Variants in CNTN4 observed in about 807,000 individuals in gnomAD.
The protein encoded by CNTN4 is contactin 4.
In CNTN4, 77 loss-of-function variants were observed where a neutral mutation model predicts 122.5. That is an observed-to-expected ratio of 0.63 (90% CI 0.52 to 0.76). CNTN4 has a LOEUF of 0.76. CNTN4 is among the 30% of genes least tolerant of loss of function. CNTN4 has a pLI of 0.00. For missense variants in CNTN4, 1,256 were observed against 1,259.1 expected, an observed-to-expected ratio of 1.00 and a Z score of 0.04; for synonymous variants, 512 against 447.0, an observed-to-expected ratio of 1.15 and a Z score of -1.83.
chr3:2,375,375 C>T (rs2045777602), intron 3 of CNTN4, among the ~76,000 whole-genome samples: 1 of 152,130 alleles, frequency 6.6e-6, no homozygotes. Flanking sequence ...TTTCTTTCTT[C>T]TTTTTCTCCC....
intron 12 of CNTN4, among the ~76,000 whole-genome samples, chr3:2,917,899 T>C (rs564687211): frequency 8.7e-6 from 1 of 115,088 alleles, no homozygotes; most frequent in African/African-American, 3.2e-5. Flanking sequence ...CTATCAGTCA[T>C]GTGAGGCATT....
intron 2 of CNTN4, among the ~76,000 whole-genome samples, chr3:2,161,536 A>C (rs146476971): frequency 6.6e-6 from 1 of 152,158 alleles, no homozygotes; most frequent in East Asian, 1.9e-4. Context: ...AGGCAGAGAG[A>C]GATGTCAAGA....
intron 4 of CNTN4, among the ~76,000 whole-genome samples, chr3:2,573,126 G>T (rs1353464155): frequency 6.6e-6 from 1 of 152,156 alleles, no homozygotes; most frequent in African/African-American, 2.4e-5. Context: ...CTATAGTCTT[G>T]CCTGTTCATA....
At chr3:2,736,621 G>A (rs1415668179) in intron 5 of CNTN4, among the ~76,000 whole-genome samples, 1 of 150,574 alleles carries the variant, frequency 6.6e-6, no homozygotes, top group East Asian at 2.0e-4. Flanking sequence ...GCACCACCAC[G>A]CCCGGCTAAT....
intron 2 of CNTN4, among the ~76,000 whole-genome samples, chr3:2,201,720 C>T (rs2038103672): frequency 6.6e-6 from 1 of 152,118 alleles, no homozygotes. Context: ...AATCCTTCAG[C>T]TGGCATGCGC....
intron 4 of CNTN4, among the ~76,000 whole-genome samples, chr3:2,699,014 ACT>A (rs1482387964): frequency 1.1e-4 from 12 of 108,428 alleles, no homozygotes; most frequent in Admixed American, 5.5e-4. Context: ...CAAGAGCGAG[ACT>A]CTGTCTTAAA....
intron 5 of CNTN4, among the ~76,000 whole-genome samples, chr3:2,742,891 A>T (rs1268530005): frequency 2.0e-5 from 3 of 152,222 alleles, no homozygotes; most frequent in Non-Finnish European, 2.9e-5. Flanking sequence ...ATGAACAGTG[A>T]CTGCATTGCA....
At chr3:2,926,005 C>G (rs1406798005) in intron 13 of CNTN4, among the ~76,000 whole-genome samples, 4 of 152,152 alleles carry the variant, frequency 2.6e-5, no homozygotes, top group African/African-American at 7.2e-5. Flanking sequence ...ATCACATGAT[C>G]CCCGCTGAAG....
chr3:2,243,143 C>G (rs2040007689), intron 2 of CNTN4, among the ~76,000 whole-genome samples: 1 of 152,118 alleles, frequency 6.6e-6, no homozygotes, highest in African/African-American at 2.4e-5. Flanking sequence ...TTATTATCCT[C>G]TGCCACTGTC....
chr3:2,750,630 GTC>G (rs1360043097), intron 6 of CNTN4, among the ~76,000 whole-genome samples: 2 of 152,118 alleles, frequency 1.3e-5, no homozygotes, highest in Non-Finnish European at 2.9e-5. Context: ...TTGTTTTTCA[GTC>G]TCTCTGCAGC....
intron 7 of CNTN4, among the ~76,000 whole-genome samples, chr3:2,840,438 C>T (rs950933255): frequency 7.3e-5 from 11 of 151,492 alleles, no homozygotes; most frequent in East Asian, 2.0e-4. Flanking sequence ...CGGTGGCTCA[C>T]GCCTGTCATC....
At chr3:3,053,744 A>G in intron 23 of CNTN4, 63 bp from the exon 24 acceptor site, 2 of 1,552,274 alleles carry the variant, frequency 1.3e-6, no homozygotes, top group Non-Finnish European at 1.8e-6. Context: ...AAACAAATGA[A>G]TGCTCCATAT....
intron 12 of CNTN4, among the ~76,000 whole-genome samples, chr3:2,903,788 A>G (rs953456491): frequency 1.3e-5 from 2 of 151,988 alleles, no homozygotes; most frequent in African/African-American, 4.8e-5. Flanking sequence ...ACTGCATTTT[A>G]ACCTCCCCGT....
intron 2 of CNTN4, among the ~76,000 whole-genome samples, chr3:2,181,557 C>A (rs2037018590): frequency 6.6e-6 from 1 of 152,082 alleles, no homozygotes; most frequent in South Asian, 2.1e-4. Context: ...AGTCCCCTGA[C>A]TACTAATCCA....
intron 2 of CNTN4, among the ~76,000 whole-genome samples, chr3:2,163,367 G>T (rs573256267): frequency 2.6e-4 from 39 of 152,074 alleles, no homozygotes; most frequent in African/African-American, 9.2e-4. Context: ...ATTCATCAAA[G>T]ACTTAAATCT....
chr3:2,104,438 A>G (rs1405533038), intron 2 of CNTN4, among the ~76,000 whole-genome samples: 1 of 152,208 alleles, frequency 6.6e-6, no homozygotes. Flanking sequence ...GTGGTAGTTC[A>G]GTACTCATAG....
At chr3:2,947,568 C>G (rs1009570179) in intron 13 of CNTN4, among the ~76,000 whole-genome samples, 3 of 152,226 alleles carry the variant, frequency 2.0e-5, no homozygotes, top group South Asian at 2.1e-4. Flanking sequence ...AGTGGAAACT[C>G]TGTGTTTTCT....
At chr3:2,295,247 C>T (rs960119767) in intron 2 of CNTN4, among the ~76,000 whole-genome samples, 2 of 141,268 alleles carry the variant, frequency 1.4e-5, no homozygotes, top group African/African-American at 2.7e-5. Flanking sequence ...CCTGAGGAAT[C>T]GCCACACTGA....
intron 6 of CNTN4, among the ~76,000 whole-genome samples, chr3:2,804,937 G>T (rs958321022): frequency 6.6e-6 from 1 of 152,120 alleles, no homozygotes; most frequent in African/African-American, 2.4e-5. Flanking sequence ...CACTTTGGGA[G>T]GCTGAGGCGG....
Sources: allele counts gnomAD v4.1 joint callset (sites outside exome capture counted in the v4.1 genomes callset), GRCh38; gene constraint gnomAD v4.1.1; transcripts MANE v1.5; gene names NCBI Gene and HGNC (gene_info 2026-07-23, HGNC 2026-07-21).